NRG3: variants seen among roughly 807,000 people sequenced by gnomAD.
The protein encoded by NRG3 is pro-neuregulin-3, membrane-bound isoform.
NRG3 carries 31 observed loss-of-function variants against 66.9 expected under a neutral mutation model. That is an observed-to-expected ratio of 0.46 (90% confidence interval 0.35 to 0.63). The LOEUF is 0.63. Among genes scored for constraint, NRG3 ranks in the 20% least tolerant of loss-of-function variants. NRG3 has a pLI of 0.00. For missense variants in NRG3, 910 were observed against 878.9 expected (o/e 1.04, Z -0.45); for synonymous variants, 393 against 359.4 (o/e 1.09, Z -1.06).
At chr10:82,262,533 T>A (rs750837478) in intron 1 of NRG3, among the ~76,000 whole-genome samples, 13 of 152,236 alleles carry the variant, frequency 8.5e-5, no homozygotes, top group South Asian at 4.1e-4. Context: ...AAATGAGAAA[T>A]TTAGTTGCTA....
At chr10:82,151,596 G>A (rs117883838) in intron 1 of NRG3, among the ~76,000 whole-genome samples, 12 of 152,134 alleles carry the variant, frequency 7.9e-5, no homozygotes, top group East Asian at 1.9e-4. Context: ...TCACTTAGTC[G>A]TCTGTAATTT....
chr10:82,897,665 T>C (rs1843791625), intron 4 of NRG3, among the ~76,000 whole-genome samples: 1 of 152,068 alleles, frequency 6.6e-6, no homozygotes, highest in Non-Finnish European at 1.5e-5. Context: ...ATTATAGATG[T>C]GCGCCACAAT....
intron 2 of NRG3, among the ~76,000 whole-genome samples, chr10:82,361,818 C>A (rs966620132): frequency 6.6e-6 from 1 of 151,802 alleles, no homozygotes; most frequent in Non-Finnish European, 1.5e-5. Context: ...ATCTGAGCAG[C>A]AATATAAAGG....
At chr10:81,999,578 T>C (rs1473574252) in intron 1 of NRG3, among the ~76,000 whole-genome samples, 1 of 152,220 alleles carries the variant, frequency 6.6e-6, no homozygotes, top group African/African-American at 2.4e-5. Flanking sequence ...ACTACATAAC[T>C]TCTTATGTTT....
At chr10:82,666,135 T>C (rs2052761540) in intron 2 of NRG3, among the ~76,000 whole-genome samples, 1 of 152,178 alleles carries the variant, frequency 6.6e-6, no homozygotes, top group Admixed American at 6.5e-5. Flanking sequence ...GGCTACTACT[T>C]CTTTACAGAT....
At chr10:82,724,631 G>A (rs10509459) in intron 2 of NRG3, among the ~76,000 whole-genome samples, 13,344 of 152,132 alleles carry the variant, frequency 0.088, 715 homozygotes, top group Middle Eastern at 0.18. Flanking sequence ...TGCCTTCTTC[G>A]CTTAATTAAA....
At chr10:82,054,038 G>C (rs759571282) in intron 1 of NRG3, among the ~76,000 whole-genome samples, 1 of 152,196 alleles carries the variant, frequency 6.6e-6, no homozygotes, top group Non-Finnish European at 1.5e-5. Flanking sequence ...AGGATATGAG[G>C]TCGGAGAAGT....
chr10:82,081,471 G>A (rs554541936), intron 1 of NRG3, among the ~76,000 whole-genome samples: 10 of 152,064 alleles, frequency 6.6e-5, no homozygotes, highest in Non-Finnish European at 2.9e-5. Flanking sequence ...TTTAACTGCC[G>A]CAATCTGGCC....
intron 2 of NRG3, among the ~76,000 whole-genome samples, chr10:82,617,227 CCACA>C (rs954780186): frequency 1.3e-5 from 2 of 149,296 alleles, no homozygotes; most frequent in Admixed American, 6.7e-5. Flanking sequence ...TATACACACA[CCACA>C]CACACACACC....
chr10:82,955,261 G>A (rs559167340), intron 5 of NRG3: 2 of 151,864 alleles, frequency 1.3e-5, no homozygotes, highest in Non-Finnish European at 2.9e-5. Context: ...GAATAAGTAA[G>A]AAACACCTTG....
chr10:82,873,654 T>A (rs1841542733), intron 4 of NRG3, among the ~76,000 whole-genome samples: 1 of 152,208 alleles, frequency 6.6e-6, no homozygotes, highest in African/African-American at 2.4e-5. Flanking sequence ...TTTCTAACAA[T>A]GTCTTGATGC....
chr10:82,520,795 T>C (rs952643943), intron 2 of NRG3, among the ~76,000 whole-genome samples: 2 of 152,322 alleles, frequency 1.3e-5, no homozygotes, highest in East Asian at 3.9e-4. Flanking sequence ...CTTTTTCCCC[T>C]AATTAATTCT....
intron 3 of NRG3, among the ~76,000 whole-genome samples, chr10:82,769,686 G>A (rs567429139): frequency 6.6e-6 from 1 of 152,046 alleles, no homozygotes; most frequent in Non-Finnish European, 1.5e-5. Flanking sequence ...TGAAAAATCA[G>A]AAGTCTAAAA....
At chr10:82,551,605 TG>T (rs2044310578) in intron 2 of NRG3, among the ~76,000 whole-genome samples, 1 of 113,082 alleles carries the variant, frequency 8.8e-6, no homozygotes, top group Admixed American at 8.9e-5. Flanking sequence ...TTTAAAATAC[TG>T]TTTTTTTTTT....
At chr10:82,741,350 T>C (rs1309333676) in intron 3 of NRG3, among the ~76,000 whole-genome samples, 1 of 152,160 alleles carries the variant, frequency 6.6e-6, no homozygotes, top group Non-Finnish European at 1.5e-5. Context: ...GAATTTGGTG[T>C]AACATTTACC....
intron 1 of NRG3, among the ~76,000 whole-genome samples, chr10:82,354,683 C>T (rs893694117): frequency 1.3e-5 from 2 of 152,278 alleles, no homozygotes; most frequent in Admixed American, 6.5e-5. Flanking sequence ...TGAGCCACCG[C>T]GCTGGGCCAA....
intron 1 of NRG3, among the ~76,000 whole-genome samples, chr10:82,151,508 T>C (rs1436000088): frequency 1.3e-5 from 2 of 152,192 alleles, no homozygotes; most frequent in Admixed American, 6.5e-5. Context: ...CCTTTTCTGG[T>C]TTCCTCTGTC....
intron 1 of NRG3, among the ~76,000 whole-genome samples, chr10:81,975,176 A>G (rs1044444764): frequency 1.3e-5 from 2 of 152,154 alleles, no homozygotes; most frequent in African/African-American, 4.8e-5. Context: ...CAGTATCTCT[A>G]CTGTTTGCCT....
intron 1 of NRG3, among the ~76,000 whole-genome samples, chr10:82,128,966 T>G (rs1345996745): frequency 6.6e-6 from 1 of 152,018 alleles, no homozygotes; most frequent in Non-Finnish European, 1.5e-5. Context: ...CAGGCTGGAG[T>G]GCAGTGGCGT....
Sources: allele counts gnomAD v4.1 joint callset (sites outside exome capture counted in the v4.1 genomes callset), GRCh38; gene constraint gnomAD v4.1.1; transcripts MANE v1.5; gene names NCBI Gene and HGNC (gene_info 2026-07-23, HGNC 2026-07-21).